The following RRM2 variants were observed in gnomAD, a reference collection of about 807,000 sequenced individuals.
The protein encoded by RRM2 is ribonucleoside-diphosphate reductase subunit M2.
A neutral mutation model predicts 45.9 loss-of-function variants in RRM2; 6 were observed. That is an observed-to-expected ratio of 0.13 (90% CI 0.07 to 0.26). The LOEUF (loss-of-function observed/expected upper bound fraction) is 0.26. Ranked by LOEUF, RRM2 falls within the 10% of genes least tolerant of loss-of-function variation. The pLI is 1.00. For synonymous variants in RRM2, 177 were observed against 173.0 expected (o/e 1.02, Z -0.18); for missense variants, 343 against 489.5 (o/e 0.70, Z 2.82).
At chr2:10,186,485 A>G (rs1295985425) in intron 3 of RRM2, among the ~76,000 whole-genome samples, 1 of 152,104 alleles carries the variant, frequency 6.6e-6, no homozygotes, top group Non-Finnish European at 1.5e-5. Context: ...TTTCGGAAGC[A>G]GATTCATTCT....
intron 3 of RRM2, among the ~76,000 whole-genome samples, chr2:10,207,134 CTG>C (rs538589284): frequency 1.2e-3 from 188 of 152,332 alleles, no homozygotes; most frequent in Middle Eastern, 6.8e-3. Context: ...ACTTTGGCCT[CTG>C]TGGATGATGA....
At chr2:10,143,710 C>T (rs896533314) in intron 3 of RRM2, among the ~76,000 whole-genome samples, 5 of 152,090 alleles carry the variant, frequency 3.3e-5, no homozygotes, top group East Asian at 1.9e-4. Flanking sequence ...CTTGCTCTGT[C>T]GCCAGGTGGT....
chr2:10,189,949 T>A (rs1241867435), intron 3 of RRM2, among the ~76,000 whole-genome samples: 1 of 151,982 alleles, frequency 6.6e-6, no homozygotes, highest in Non-Finnish European at 1.5e-5. Flanking sequence ...ATAGTGATAA[T>A]GGTGGTGATG....
chr2:10,133,439 AG>A (rs1662937500), downstream of RRM2, among the ~76,000 whole-genome samples: 1 of 152,240 alleles, frequency 6.6e-6, no homozygotes, highest in East Asian at 1.9e-4. Flanking sequence ...TCACCTGGCC[AG>A]GGAGCTAACT....
intron 5 of RRM2, 82 bp from the exon 6 acceptor site, chr2:10,126,793 C>G (rs988150225): frequency 1.9e-6 from 2 of 1,037,474 alleles, no homozygotes; most frequent in Non-Finnish European, 2.9e-6. Context: ...TGGCCTTTGT[C>G]CCAGAGCTCT....
In RRM2 at chr2:10,131,170, C is replaced by T. The variant is rs1365727737; in HGVS notation, c.*1784C>T. The T allele has an allele frequency of 6.6e-6, 1 of 152,028 alleles. No homozygotes were observed. Among genetic ancestry groups the T allele is most frequent in the East Asian group, 1.9e-4 (1 of 5,192 alleles). The allele number at this position is 152,028 out of a possible 1,614,324, so 9.4% of individuals were successfully genotyped here. ...AAGTTATTGTTACCTAAAGTTAATCCAGATTATATGGTCCTTATATGTGTA... is the reference window on the plus strand; with the variant it reads ...AAGTTATTGTTACCTAAAGTTAATCTAGATTATATGGTCCTTATATGTGTA... On this transcript the variant is annotated 3_prime_UTR_variant, in exon 10 of 10. Transcript: ENST00000304567.
At position 10,122,997 on chromosome 2, in the gene RRM2, C is replaced by T. The variant is rs1662695507; in HGVS notation, c.114C>T (p.Ser38=). The change falls in exon 2 of 10, where the codon AGC becomes AGT. Residue 38 remains serine, a synonymous_variant. Transcript: ENST00000304567. The stretch of plus-strand genomic sequence containing the variant: ...TCTCCCCGCAGCCGCCGGCCCTGAG[C>T]GGGACCCGCGTCCTGGCCAGCAAGA... ...VDKENTPPAL[S]GTRVLASKTA... 2 of 1,560,180 alleles carry T rather than the reference C, an allele frequency of 1.3e-6. No individual in the cohort carries two copies. Among genetic ancestry groups the T allele is most frequent in the East Asian group, 2.3e-5 (1 of 43,150 alleles).
chr2:10,130,381 C>G lies in RRM2; in HGVS notation c.*995C>G, dbSNP rs1309978425. 1 of 152,086 alleles carries G rather than the reference C, an allele frequency of 6.6e-6. No homozygotes were observed. The highest frequency in any genetic ancestry group is 1.5e-5 in the Non-Finnish European group (1 of 68,008). The allele number at this position is 152,086 out of a possible 1,614,324, so 9.4% of individuals were successfully genotyped here. On this transcript the variant is annotated 3_prime_UTR_variant, in exon 10 of 10. Transcript: ENST00000304567. ...AGGTGGTTCCTACAAGTTGTTCATTCTAGTTTTGTTTGGTGTAAGTAGGTT... is the reference window on the plus strand; with the variant it reads ...AGGTGGTTCCTACAAGTTGTTCATTGTAGTTTTGTTTGGTGTAAGTAGGTT...
chr2:10,181,469 T>C (rs1664045579), intron 3 of RRM2, among the ~76,000 whole-genome samples: 1 of 152,152 alleles, frequency 6.6e-6, no homozygotes, highest in African/African-American at 2.4e-5. Flanking sequence ...TTGCTTAGGA[T>C]TTATTTTGCT....
chr2:10,123,684 G>A lies in RRM2; in HGVS notation c.319-52G>A, dbSNP rs543262157. 73 of 1,413,416 alleles carry A rather than the reference G, an allele frequency of 5.2e-5. 1 individual carries two copies. The South Asian group carries it at 8.5e-4, about 16-fold the overall frequency. 87.6% of individuals were successfully genotyped at this position (1,413,416 alleles called of 1,614,324 possible). ...AGTTTGAGTGCTCAGTGTGAGTCCT[G>A]TAGGCTTTACTCTCTTCCTTTTATG... On this transcript the variant is annotated intron_variant, in intron 3 of 9. Transcript: ENST00000304567.
At chr2:10,122,623 G>A (rs1312351514), upstream of RRM2, 1 of 1,525,236 alleles carries the variant, frequency 6.6e-7, no homozygotes, top group South Asian at 1.2e-5. Flanking sequence ...CAGCCAATGG[G>A]AAGGGTCGGA....
At chr2:10,210,071 C>A (rs1432762165) in intron 3 of RRM2, among the ~76,000 whole-genome samples, 1 of 152,180 alleles carries the variant, frequency 6.6e-6, no homozygotes, top group Non-Finnish European at 1.5e-5. Flanking sequence ...CTCGGGTGAA[C>A]AAGGGCCCCT....
chr2:10,146,384 T>C (rs1663186720), intron 3 of RRM2, among the ~76,000 whole-genome samples: 1 of 152,184 alleles, frequency 6.6e-6, no homozygotes, highest in Non-Finnish European at 1.5e-5. Context: ...TTAGAGACCC[T>C]GGTATTTTTA....
upstream of RRM2, chr2:10,122,623 G>T: frequency 3.3e-6 from 5 of 1,525,236 alleles, no homozygotes; most frequent in Non-Finnish European, 4.4e-6. Context: ...CAGCCAATGG[G>T]AAGGGTCGGA....
At chr2:10,141,818 T>G in intron 1 of RRM2, 1 of 1,551,274 alleles carries the variant, frequency 6.4e-7, no homozygotes, top group Non-Finnish European at 8.7e-7. Flanking sequence ...TGCTCCAGCA[T>G]GCAGTCACTG....
chr2:10,181,977 G>A (rs756875121), intron 3 of RRM2, among the ~76,000 whole-genome samples: 3 of 151,818 alleles, frequency 2.0e-5, no homozygotes, highest in Non-Finnish European at 4.4e-5. Context: ...TGTTGCCCAG[G>A]CTGGTCTTGA....
intron 3 of RRM2, among the ~76,000 whole-genome samples, chr2:10,166,735 C>A (rs370493034): frequency 3.2e-4 from 48 of 152,342 alleles, no homozygotes; most frequent in African/African-American, 1.1e-3. Context: ...GATGCTCCCA[C>A]GCAGCAGTGC....
chr2:10,142,667 C>T (rs1212144051), intron 3 of RRM2, among the ~76,000 whole-genome samples: 2 of 152,030 alleles, frequency 1.3e-5, no homozygotes, highest in African/African-American at 4.8e-5. Flanking sequence ...CCCACCATGG[C>T]CAGATCCCCC....
chr2:10,126,737 G>T (rs1020539683), intron 5 of RRM2, 138 bp from the exon 6 acceptor site: 1 of 680,024 alleles, frequency 1.5e-6, no homozygotes, highest in East Asian at 2.5e-5. Context: ...AAAACATTTC[G>T]GTGTGAGTTC....
Sources: allele counts gnomAD v4.1 joint callset (sites outside exome capture counted in the v4.1 genomes callset), GRCh38; gene constraint gnomAD v4.1.1; transcripts MANE v1.5; gene names NCBI Gene and HGNC (gene_info 2026-07-23, HGNC 2026-07-21).